Variants in APTX observed in about 807,000 individuals in gnomAD.
The protein encoded by APTX is aprataxin.
APTX carries 33 observed loss-of-function variants against 42.3 expected under a neutral mutation model. The observed-to-expected ratio is 0.78, with a 90% CI of 0.59 to 1.04. The LOEUF (loss-of-function observed/expected upper bound fraction) is 1.04. APTX is among the 50% of genes least tolerant of loss of function. The probability of loss-of-function intolerance (pLI) is 0.00; values close to 1 mark genes in which losing one functional copy is unlikely to be tolerated. For synonymous variants in APTX, 130 were observed against 146.7 expected, an observed-to-expected ratio of 0.89 and a Z score of 0.82; for missense variants, 421 against 415.1, an observed-to-expected ratio of 1.01 and a Z score of -0.12.
upstream of APTX, among the ~76,000 whole-genome samples, chr9:33,006,280 A>AT (rs1282460295): frequency 3.3e-5 from 5 of 152,188 alleles, no homozygotes; most frequent in South Asian, 2.1e-4. Context: ...AATAAAAAGA[A>AT]TTTTTTTTAA....
intron 6 of APTX, among the ~76,000 whole-genome samples, chr9:32,983,096 T>C (rs1394892019): frequency 6.6e-6 from 1 of 152,070 alleles, no homozygotes. Flanking sequence ...CCACCACCCT[T>C]GGCTAATTTT....
Position 32,984,621 on chromosome 9 carries a change from C to A in APTX, c.770+10G>T, listed in dbSNP as rs111392103. On this transcript the variant is annotated intron_variant, in intron 6 of 7. Transcript: ENST00000379817. ...AACCAGGAGCCAGCAGCACTACCCA[C>A]CTGGCTTACCTCATACTCGGAATGG... is the stretch of plus-strand genomic sequence containing the variant. The A allele has an allele frequency of 1.4e-4, 220 of 1,613,574 alleles. No homozygotes were observed. The African/African-American group carries it at 2.2e-3, about 16-fold the overall frequency.
chr9:33,023,691 C>G (rs1408717340), intron 1 of APTX, among the ~76,000 whole-genome samples: 1 of 152,128 alleles, frequency 6.6e-6, no homozygotes, highest in Non-Finnish European at 1.5e-5. Context: ...CAAAAGCATA[C>G]AAAGGTGAAA....
intron 6 of APTX, among the ~76,000 whole-genome samples, chr9:32,982,281 G>C (rs1830856145): frequency 6.6e-6 from 1 of 152,146 alleles, no homozygotes; most frequent in Admixed American, 6.5e-5. Context: ...AGGAAAGTAG[G>C]AACTGTCACA....
chr9:32,985,684 G>C (rs562427843), intron 5 of APTX, among the ~76,000 whole-genome samples: 31 of 152,004 alleles, frequency 2.0e-4, no homozygotes, highest in Non-Finnish European at 4.0e-4. Flanking sequence ...ATGCTCCCCT[G>C]AAAGGAACCA....
intron 1 of APTX, among the ~76,000 whole-genome samples, chr9:32,990,410 T>C (rs1833315334): frequency 6.6e-6 from 1 of 152,180 alleles, no homozygotes; most frequent in African/African-American, 2.4e-5. Flanking sequence ...TGACCTCAGG[T>C]GATCCACCCG....
intron 5 of APTX, among the ~76,000 whole-genome samples, chr9:32,985,326 GTTTTTTTTTTTTT>G (rs5897530): frequency 9.7e-6 from 1 of 103,078 alleles, no homozygotes. Flanking sequence ...GATGATGCCT[GTTTTTTTTTTTTT>G]TTTTTTTTTT....
At chr9:32,995,927 C>T (rs924890217) in intron 1 of APTX, among the ~76,000 whole-genome samples, 1 of 150,530 alleles carries the variant, frequency 6.6e-6, no homozygotes, top group African/African-American at 2.4e-5. Context: ...GACATCCAAA[C>T]CTTCAGCAAC....
intron 6 of APTX, among the ~76,000 whole-genome samples, chr9:32,978,163 T>C (rs771483987): frequency 2.0e-5 from 3 of 152,212 alleles, no homozygotes; most frequent in Non-Finnish European, 4.4e-5. Flanking sequence ...GAAAGCCATG[T>C]AGAACCACTA....
chr9:33,019,921 G>T, intron 1 of APTX: 1 of 510,760 alleles, frequency 2.0e-6, no homozygotes, highest in East Asian at 3.3e-5. Flanking sequence ...CCTCTAAGGG[G>T]GTCGGGAAAG....
chr9:33,023,579 C>A (rs755129472), intron 1 of APTX, among the ~76,000 whole-genome samples: 1 of 152,144 alleles, frequency 6.6e-6, no homozygotes, highest in Non-Finnish European at 1.5e-5. Context: ...TAATATTAGA[C>A]GTTTATTAAC....
intron 1 of APTX, among the ~76,000 whole-genome samples, chr9:33,011,151 GA>G (rs879879032): frequency 1.3e-4 from 19 of 146,386 alleles, no homozygotes; most frequent in South Asian, 4.3e-4. Context: ...TCAAAAAAAA[GA>G]AAAAAAAAAG....
intron 6 of APTX, among the ~76,000 whole-genome samples, chr9:32,976,750 A>G (rs1464318343): frequency 6.6e-6 from 1 of 152,268 alleles, no homozygotes; most frequent in Non-Finnish European, 1.5e-5. Context: ...CAAACAGTAA[A>G]TAAAAGCTAA....
At chr9:32,984,114 T>TCA (rs533512913) in intron 6 of APTX, among the ~76,000 whole-genome samples, 361 of 152,356 alleles carry the variant, frequency 2.4e-3, no homozygotes, top group Non-Finnish European at 3.9e-3. Flanking sequence ...ACCTTGCTTG[T>TCA]ATTCTTTGAA....
chr9:33,015,653 G>A (rs1288408138), intron 1 of APTX, among the ~76,000 whole-genome samples: 4 of 152,154 alleles, frequency 2.6e-5, no homozygotes, highest in Admixed American at 2.0e-4. Flanking sequence ...CACCACGCCC[G>A]GCCTGTATTT....
At chr9:32,996,109 C>T (rs762294102) in intron 1 of APTX, among the ~76,000 whole-genome samples, 37 of 152,128 alleles carry the variant, frequency 2.4e-4, no homozygotes, top group Non-Finnish European at 4.7e-4. Flanking sequence ...GCACACTTAA[C>T]AGACTACAGT....
chr9:32,984,748 C>T lies in APTX; in HGVS notation c.653G>A (p.Arg218Lys). 1 of 1,614,234 alleles carries T rather than the reference C, an allele frequency of 6.2e-7. No homozygotes were observed. Among genetic ancestry groups the T allele is most frequent in the South Asian group, 1.1e-5 (1 of 91,088 alleles). ...ATGCTTAAGGAGTTCAAGGTGTTCC[C>T]TGGCCACAGCCTTCAGACTGGAAAT... ...TSISSLKAVA[R>K]EHLELLKHMH... The change falls in exon 6 of 8, where the codon AGG becomes AAG. Residue 218 changes from arginine (R) to lysine (K), a missense_variant. Coordinates refer to ENST00000379817, the MANE Select transcript of APTX (RefSeq NM_001195248.2).
chr9:33,006,722 CG>C (rs1483257509), intron 1 of APTX, among the ~76,000 whole-genome samples: 1 of 151,952 alleles, frequency 6.6e-6, no homozygotes, highest in African/African-American at 2.4e-5. Context: ...CCTATCTGGC[CG>C]GGTGCGGTGG....
Position 32,973,579 on chromosome 9 carries a change from G to C in APTX, c.948C>G (p.Pro316=), listed in dbSNP as rs1303395150. 1 of 1,613,914 alleles carries C rather than the reference G, an allele frequency of 6.2e-7. No individual in the cohort carries two copies. The highest frequency in any genetic ancestry group is 1.7e-5 in the Admixed American group (1 of 59,988). Residue 316 remains proline (P), a synonymous_variant, in exon 8 of 8, where the codon CCC becomes CCG. Coordinates refer to ENST00000379817, the MANE Select transcript of APTX (RefSeq NM_001195248.2). ...GCTGCTGGCACTCATGACAACGAAGGGGCAGCTTCAAGAGCTCAGGCATCC... is the reference window on the plus strand; with the variant it reads ...GCTGCTGGCACTCATGACAACGAAGCGGCAGCTTCAAGAGCTCAGGCATCC... The part of the protein sequence containing the change: ...RDGMPELLKL[P]LRCHECQQLL...
Sources: allele counts gnomAD v4.1 joint callset (sites outside exome capture counted in the v4.1 genomes callset), GRCh38; gene constraint gnomAD v4.1.1; transcripts MANE v1.5; gene names NCBI Gene and HGNC (gene_info 2026-07-23, HGNC 2026-07-21).